Variants in NIT2 observed in about 807,000 individuals in gnomAD.
NIT2 encodes omega-amidase NIT2.
NIT2 carries 46 observed loss-of-function variants against 42.7 expected under a neutral mutation model. The ratio of observed to expected loss-of-function variants is 1.08; its 90% CI spans 0.85 to 1.38. The LOEUF (loss-of-function observed/expected upper bound fraction) is 1.38. Ranked by LOEUF, NIT2 falls within the 40% of genes most tolerant of loss-of-function variation. The probability of loss-of-function intolerance (pLI) is 0.00; values close to 1 mark genes in which losing one functional copy is unlikely to be tolerated. For synonymous variants in NIT2, 123 were observed against 121.9 expected (o/e 1.01, Z -0.06); for missense variants, 309 against 342.5 (o/e 0.90, Z 0.77).
chr3:100,337,632 T>G (rs559744976), intron 1 of NIT2, among the ~76,000 whole-genome samples: 19 of 152,238 alleles, frequency 1.2e-4, no homozygotes, highest in Non-Finnish European at 1.5e-4. Flanking sequence ...TTTTGTATTT[T>G]TAGTAGAGAC....
Position 100,358,987 on chromosome 3 carries a change from G to A in NIT2, c.*3719G>A, listed in dbSNP as rs1447709684. On this transcript the variant is annotated 3_prime_UTR_variant, in exon 10 of 10. Coordinates refer to ENST00000394140, the MANE Select transcript of NIT2 (RefSeq NM_020202.5). ...TCTTCCTTATGCCTCATAACCACCT[G>A]TGTGTGACAGTTTCACATTTCCTAT... is the stretch of plus-strand genomic sequence containing the variant. 1.3e-5 allele frequency: 2 copies of A among 152,194 alleles called. No individual in the cohort carries two copies. Among genetic ancestry groups the A allele is most frequent in the Admixed American group, 1.3e-4 (2 of 15,288 alleles). 9.4% of individuals were successfully genotyped at this position (152,194 alleles called of 1,614,324 possible). A position where few individuals can be genotyped will look rare whatever the true frequency, so the allele number is the denominator to read the frequency against.
In NIT2 at chr3:100,345,568, C is replaced by T. The variant is rs865848523; in HGVS notation, c.337-17C>T. ...CTGCTGGAAAAGAGGTAACCAAATC[C>T]ATTATTTGTGATGCAGATCCATCTG... On this transcript the variant is annotated splice_polypyrimidine_tract_variant and intron_variant, in intron 4 of 9. Transcript: ENST00000394140. 2 of 1,566,558 alleles carry T rather than the reference C, an allele frequency of 1.3e-6. No homozygotes were observed. Among genetic ancestry groups the T allele is most frequent in the Non-Finnish European group, 1.8e-6 (2 of 1,138,524 alleles).
At chr3:100,351,513 T>C (rs1245248096) in intron 7 of NIT2, among the ~76,000 whole-genome samples, 1 of 152,144 alleles carries the variant, frequency 6.6e-6, no homozygotes, top group East Asian at 1.9e-4. Flanking sequence ...GGGAAAGGAT[T>C]CCCTATTTAA....
At chr3:100,352,008 A>T (rs144920552) in intron 7 of NIT2, among the ~76,000 whole-genome samples, 1 of 152,218 alleles carries the variant, frequency 6.6e-6, no homozygotes, top group Non-Finnish European at 1.5e-5. Flanking sequence ...ACATGAAAAA[A>T]ATGCTCACCA....
rs945465618 is a variant in NIT2, at chr3:100,360,499, G to C, written c.*5231G>C. The C allele has an allele frequency of 1.3e-5, 2 of 152,290 alleles. No homozygotes were observed. The highest frequency in any genetic ancestry group is 4.8e-5 in the African/African-American group (2 of 41,430). 9.4% of individuals were successfully genotyped at this position (152,290 alleles called of 1,614,324 possible). A position where few individuals can be genotyped will look rare whatever the true frequency, so the allele number is the denominator to read the frequency against. ...CATGCCTGTGATCCCAGCTACTCGG[G>C]AGGGTAAGGCAGGAGGAGGTTACAG... On this transcript the variant is annotated 3_prime_UTR_variant, in exon 10 of 10. Coordinates refer to ENST00000394140, the MANE Select transcript of NIT2 (RefSeq NM_020202.5).
At position 100,339,209 on chromosome 3, in the gene NIT2, A is replaced by G. The variant is rs373616772; in HGVS notation, c.126+4A>G. On this transcript the variant is annotated splice_donor_region_variant and intron_variant, in intron 2 of 9. Transcript: ENST00000394140. The stretch of plus-strand genomic sequence containing the variant: ...AGCCAAAATAGTTTCTTTGCCGGTC[A>G]GTATGGGAGCAGCCATTCTGTTCTA... 23 of 1,576,658 alleles carry G rather than the reference A, an allele frequency of 1.5e-5. No homozygotes were observed. The highest frequency in any genetic ancestry group is 1.9e-5 in the Non-Finnish European group (22 of 1,146,054).
rs886231729 is a variant in NIT2, at chr3:100,348,010, C to T, written c.506-793C>T. ...GATTCAAGCAATTCTCCTGCCTCAG[C>T]CTCCCCAGTAGCTGGGATTATAGGC... On this transcript the variant is annotated intron_variant, in intron 6 of 9. Transcript: ENST00000394140. Among the ~76,000 whole-genome samples, 15 of 152,116 alleles carry T rather than the reference C, an allele frequency of 9.9e-5. 1 individual carries two copies. Among genetic ancestry groups the T allele is most frequent in the African/African-American group, 3.1e-4 (13 of 41,426 alleles).
intron 1 of NIT2, among the ~76,000 whole-genome samples, chr3:100,338,445 G>A (rs1333953212): frequency 6.6e-6 from 1 of 152,238 alleles, no homozygotes; most frequent in Admixed American, 6.5e-5. Context: ...GAATAGGCAT[G>A]TGTGCAGCTC....
At position 100,334,764 on chromosome 3, in the gene NIT2, G is replaced by C; in HGVS notation, c.-28G>C. ...GCCGGATCTCCAGCGCTCAGTCCGC[G>C]CCGCAGGTGGTGCTTGTCTGCAGAG... On this transcript the variant is annotated 5_prime_UTR_variant, in exon 1 of 10. Coordinates refer to ENST00000394140, the MANE Select transcript of NIT2 (RefSeq NM_020202.5). 1.5e-6 allele frequency: 2 copies of C among 1,291,194 alleles called. No homozygotes were observed. Among genetic ancestry groups the C allele is most frequent in the Non-Finnish European group, 2.0e-6 (2 of 1,013,654 alleles). The allele number at this position is 1,291,194 out of a possible 1,614,324, so 80.0% of individuals were successfully genotyped here.
At chr3:100,336,738 G>A (rs924800776) in intron 1 of NIT2, among the ~76,000 whole-genome samples, 1 of 152,206 alleles carries the variant, frequency 6.6e-6, no homozygotes, top group African/African-American at 2.4e-5. Flanking sequence ...TAGTAGATGG[G>A]ACATAGAATC....
At chr3:100,339,247 C>A in intron 2 of NIT2, 42 bp downstream of exon 2, 2 of 1,230,634 alleles carry the variant, frequency 1.6e-6, no homozygotes, top group Non-Finnish European at 2.4e-6. Context: ...CACTGTACAC[C>A]CAAGCAGAAC....
Position 100,356,379 on chromosome 3 carries a change from C to G in NIT2, c.*1111C>G, listed in dbSNP as rs1381601025. 6.6e-6 allele frequency: 1 copy of G among 152,220 alleles called. No individual in the cohort carries two copies. Among genetic ancestry groups the G allele is most frequent in the Non-Finnish European group, 1.5e-5 (1 of 68,048 alleles). The allele number at this position is 152,220 out of a possible 1,614,324, so 9.4% of individuals were successfully genotyped here. On this transcript the variant is annotated 3_prime_UTR_variant, in exon 10 of 10. Transcript: ENST00000394140. ...AGAGTTGGGAATAGATGTGCACAAT[C>G]AGCTCTGGGGAGCTGGTGCAATCCT...
chr3:100,343,303 C>A (rs1706175948), intron 4 of NIT2, among the ~76,000 whole-genome samples: 1 of 151,516 alleles, frequency 6.6e-6, no homozygotes, highest in African/African-American at 2.4e-5. Flanking sequence ...TTTTCTGTTC[C>A]TTTTTCTTAT....
At chr3:100,350,179 A>G (rs1706259528) in intron 7 of NIT2, among the ~76,000 whole-genome samples, 1 of 152,158 alleles carries the variant, frequency 6.6e-6, no homozygotes, top group African/African-American at 2.4e-5. Flanking sequence ...TGTAAGGGAA[A>G]GAGGTTTTAG....
Position 100,346,180 on chromosome 3 carries a change from G to C in NIT2, c.431-1G>C, listed in dbSNP as rs763268556. ...TTTGTGCATTTTCTGTTTGGAAACA[G>C]CTTACTGCAGAGTGGGTCTGGGCAT... On this transcript the variant is annotated splice_acceptor_variant, in intron 5 of 9. Coordinates refer to ENST00000394140, the MANE Select transcript of NIT2 (RefSeq NM_020202.5). LOFTEE classifies it high-confidence loss of function. 11 of 1,613,870 alleles carry C rather than the reference G, an allele frequency of 6.8e-6. No individual in the cohort carries two copies. Among genetic ancestry groups the C allele is most frequent in the Non-Finnish European group, 9.3e-6 (11 of 1,179,812 alleles).
chr3:100,346,842 T>C (rs1037788243), intron 6 of NIT2, among the ~76,000 whole-genome samples: 1 of 152,150 alleles, frequency 6.6e-6, no homozygotes, highest in African/African-American at 2.4e-5. Context: ...GCATCCTTAC[T>C]AGACTGCTTG....
intron 2 of NIT2, among the ~76,000 whole-genome samples, chr3:100,339,514 A>T (rs1230955553): frequency 6.6e-6 from 1 of 152,188 alleles, no homozygotes; most frequent in African/African-American, 2.4e-5. Flanking sequence ...TCCTTATTTA[A>T]CTAAGTCTTT....
chr3:100,338,187 T>C (rs1421464962), intron 1 of NIT2, among the ~76,000 whole-genome samples: 6 of 152,186 alleles, frequency 3.9e-5, no homozygotes, highest in African/African-American at 9.6e-5. Context: ...AGAAATAAGC[T>C]TGGAAGAGCC....
At chr3:100,344,317 C>G (rs1337020238) in intron 4 of NIT2, among the ~76,000 whole-genome samples, 1 of 152,224 alleles carries the variant, frequency 6.6e-6, no homozygotes, top group Non-Finnish European at 1.5e-5. Context: ...ATTTTGTCTG[C>G]TTTGTTTTGG....
Sources: allele counts gnomAD v4.1 joint callset (sites outside exome capture counted in the v4.1 genomes callset), GRCh38; gene constraint gnomAD v4.1.1; transcripts MANE v1.5; gene names NCBI Gene and HGNC (gene_info 2026-07-23, HGNC 2026-07-21).